PLCL2: variants seen among roughly 807,000 people sequenced by gnomAD.
PLCL2 encodes phospholipase C like 2.
In PLCL2, 4 loss-of-function variants were observed where a neutral mutation model predicts 79.6. The ratio of observed to expected loss-of-function variants is 0.05; its 90% CI spans 0.02 to 0.11. The LOEUF (loss-of-function observed/expected upper bound fraction) is 0.11, where lower values mean the gene tolerates loss of function less well. Among genes scored for constraint, PLCL2 ranks in the 10% least tolerant of loss-of-function variants. The pLI, the probability that PLCL2 is intolerant of heterozygous loss-of-function variation, is 1.00. For synonymous variants in PLCL2, 484 were observed against 457.7 expected, an observed-to-expected ratio of 1.06 and a Z score of -0.73; for missense variants, 895 against 1,291.0, an observed-to-expected ratio of 0.69 and a Z score of 4.70.
chr3:17,086,821 A>G (rs1383642051), intron 5 of PLCL2, among the ~76,000 whole-genome samples: 1 of 152,228 alleles, frequency 6.6e-6, no homozygotes, highest in Non-Finnish European at 1.5e-5. Context: ...AAAACTCAAC[A>G]GTAAGGAAAC....
At position 17,014,789 on chromosome 3, in the gene PLCL2, C is replaced by T. The variant is rs1430864247; in HGVS notation, c.2896C>T (p.Arg966Cys). Reference sequence around the variant, plus strand: ...GCAGTGCATGTTGGCGGTGTCTCCCCGCTTTCTGGGGCCCGATAACACACC... The same window carrying T: ...GCAGTGCATGTTGGCGGTGTCTCCCTGCTTTCTGGGGCCCGATAACACACC... Reference protein sequence around the residue: ...LMQCMLAVSPRFLGPDNTPLV... With the variant: ...LMQCMLAVSPCFLGPDNTPLV... Residue 966 changes from arginine (R) to cysteine (C), a missense_variant, in exon 3 of 6, where the codon CGC becomes TGC. Arg to Cys is a radical substitution (Grantham distance 180). Transcript: ENST00000615277. 1.9e-6 allele frequency: 3 copies of T among 1,614,000 alleles called. No individual in the cohort carries two copies. The highest frequency in any genetic ancestry group is 1.3e-5 in the African/African-American group (1 of 74,920).
intron 1 of PLCL2, among the ~76,000 whole-genome samples, chr3:16,940,711 C>T (rs2124950113): frequency 6.6e-6 from 1 of 152,322 alleles, no homozygotes; most frequent in South Asian, 2.1e-4. Flanking sequence ...AATCTTGGCT[C>T]TGCTACAAAC....
rs144347243 is a variant in PLCL2 at position 16,910,728 on chromosome 3, A to G, written c.327+25362A>G. 4.8e-3 allele frequency among the ~76,000 whole-genome samples: 732 copies of G among 151,774 alleles called. 3 individuals are homozygous for G. The highest frequency in any genetic ancestry group is 9.2e-3 in the South Asian group (44 of 4,802). ...AGATTTTTCCACTATATCCTACTAG[A>G]TCTTTCACTTTTCATATCTGAAACA... is the stretch of plus-strand genomic sequence containing the variant. On this transcript the variant is annotated intron_variant, in intron 1 of 5. Coordinates refer to ENST00000615277, the MANE Select transcript of PLCL2 (RefSeq NM_001144382.2).
intron 1 of PLCL2, among the ~76,000 whole-genome samples, chr3:16,954,288 G>A (rs2063682396): frequency 6.6e-6 from 1 of 152,022 alleles, no homozygotes; most frequent in Non-Finnish European, 1.5e-5. Context: ...TTGGTTTTTT[G>A]TCCTTGCGAT....
At chr3:16,955,134 T>C (rs530319843) in intron 1 of PLCL2, among the ~76,000 whole-genome samples, 81 of 152,372 alleles carry the variant, frequency 5.3e-4, no homozygotes, top group African/African-American at 1.9e-3. Flanking sequence ...TGCCTAGGTT[T>C]TCTTCTAGGG....
chr3:17,088,335 G>C (rs961117511), intron 5 of PLCL2, among the ~76,000 whole-genome samples: 8 of 152,060 alleles, frequency 5.3e-5, no homozygotes, highest in Non-Finnish European at 1.0e-4. Flanking sequence ...TTCAGAAAGA[G>C]GGAAAGGCGG....
At chr3:16,961,622 A>C (rs1046562527) in intron 1 of PLCL2, among the ~76,000 whole-genome samples, 2 of 152,198 alleles carry the variant, frequency 1.3e-5, no homozygotes, top group African/African-American at 4.8e-5. Flanking sequence ...TAGGGACATC[A>C]GCTTCCCACC....
At chr3:17,079,216 C>G (rs1045245793) in intron 5 of PLCL2, among the ~76,000 whole-genome samples, 2 of 152,198 alleles carry the variant, frequency 1.3e-5, no homozygotes, top group Admixed American at 1.3e-4. Context: ...CATCCTCTCT[C>G]TACACAGCTG....
intron 3 of PLCL2, among the ~76,000 whole-genome samples, chr3:17,018,989 A>G (rs960946102): frequency 1.3e-5 from 2 of 152,208 alleles, no homozygotes; most frequent in African/African-American, 2.4e-5. Context: ...CAGTATGTTT[A>G]TAGATAACTG....
At chr3:16,967,886 A>G (rs972029773) in intron 1 of PLCL2, among the ~76,000 whole-genome samples, 8 of 152,052 alleles carry the variant, frequency 5.3e-5, no homozygotes, top group African/African-American at 1.9e-4. Flanking sequence ...CAGAATTTTT[A>G]TAGTTTTAGG....
At chr3:17,052,896 T>C (rs1559533079) in intron 4 of PLCL2, among the ~76,000 whole-genome samples, 2 of 152,252 alleles carry the variant, frequency 1.3e-5, no homozygotes, top group Non-Finnish European at 2.9e-5. Context: ...ACAAAATATG[T>C]GTTAATCAAC....
At chr3:17,006,875 T>A (rs2064266244) in intron 1 of PLCL2, among the ~76,000 whole-genome samples, 1 of 152,194 alleles carries the variant, frequency 6.6e-6, no homozygotes, top group Non-Finnish European at 1.5e-5. Flanking sequence ...TATTAGGCCT[T>A]TTCCCTCTTA....
chr3:16,918,150 A>C (rs754779376), intron 1 of PLCL2, among the ~76,000 whole-genome samples: 4 of 152,178 alleles, frequency 2.6e-5, no homozygotes, highest in Non-Finnish European at 5.9e-5. Flanking sequence ...TGAGAAACTA[A>C]AGTAAGGCTG....
chr3:17,045,221 G>A (rs953968874), intron 4 of PLCL2, among the ~76,000 whole-genome samples: 1 of 152,106 alleles, frequency 6.6e-6, no homozygotes, highest in Non-Finnish European at 1.5e-5. Context: ...ACAGATATAG[G>A]TCACCAAAGT....
intron 1 of PLCL2, among the ~76,000 whole-genome samples, chr3:16,946,657 T>G (rs1375474501): frequency 6.6e-6 from 1 of 152,168 alleles, no homozygotes; most frequent in African/African-American, 2.4e-5. Context: ...GTTGACTGTT[T>G]TCTTGTAACT....
intron 1 of PLCL2, among the ~76,000 whole-genome samples, chr3:16,948,736 G>C (rs1156420250): frequency 6.6e-6 from 1 of 152,162 alleles, no homozygotes; most frequent in Non-Finnish European, 1.5e-5. Flanking sequence ...ATAGAGAACA[G>C]ATTCCTTATT....
Position 16,965,935 on chromosome 3 carries a change from A to G in PLCL2, c.328-43739A>G, listed in dbSNP as rs146254500. ...GGAGATTTGGGGCTGAGACGATGGG[A>G]TTTTCTAAATACACATGTCATCTGC... On this transcript the variant is annotated intron_variant, in intron 1 of 5. Transcript: ENST00000615277. 3.4e-3 allele frequency among the ~76,000 whole-genome samples: 521 copies of G among 151,960 alleles called. 3 individuals are homozygous for G. Among genetic ancestry groups the G allele is most frequent in the Non-Finnish European group, 5.0e-3 (338 of 67,908 alleles).
chr3:16,929,761 C>G (rs1697350960), intron 1 of PLCL2, among the ~76,000 whole-genome samples: 1 of 152,202 alleles, frequency 6.6e-6, no homozygotes, highest in South Asian at 2.1e-4. Context: ...AGAATTCTCT[C>G]TGTATCCTGA....
At chr3:17,058,534 G>A (rs1176753664) in intron 4 of PLCL2, among the ~76,000 whole-genome samples, 1 of 152,138 alleles carries the variant, frequency 6.6e-6, no homozygotes, top group Non-Finnish European at 1.5e-5. Flanking sequence ...GGTCTTGAAA[G>A]GGAAGATCAG....
Sources: gnomAD v4.1 joint callset for allele counts (sites outside exome capture counted in the v4.1 genomes callset) on GRCh38, gnomAD v4.1.1 for gene constraint, MANE v1.5 for transcripts, NCBI Gene and HGNC (gene_info 2026-07-23, HGNC 2026-07-21) for gene names.